The following MYL1 variants were observed in gnomAD, a reference collection of about 807,000 sequenced individuals.
The protein encoded by MYL1 is myosin light chain 1/3, skeletal muscle isoform.
A neutral mutation model predicts 21.8 loss-of-function variants in MYL1; 16 were observed. The observed-to-expected ratio is 0.74, with a 90% CI of 0.50 to 1.12. MYL1 has a LOEUF of 1.12. Ranked by LOEUF, MYL1 falls within the 50% of genes most tolerant of loss-of-function variation. The pLI is 0.00. For missense variants in MYL1, 246 were observed against 241.0 expected (o/e 1.02, Z -0.14); for synonymous variants, 99 against 85.2 (o/e 1.16, Z -0.89).
rs751910373 is a variant in MYL1 at position 210,314,955 on chromosome 2, G to A, written c.88C>T (p.Pro30Ser). The change falls in exon 1 of 7, where the codon CCA becomes TCA. Residue 30 changes from proline to serine, a missense_variant. Transcript: ENST00000352451. Reference sequence around the variant, plus strand: ...ATTTTTTCTTCTTTGGGTTTGGCTGGGGCAGGGGCAGGTGCAGGTGCCGGT... The same window carrying A: ...ATTTTTTCTTCTTTGGGTTTGGCTGAGGCAGGGGCAGGTGCAGGTGCCGGT... ...PAPAPAPAPAPAKPKEEKIDL... is the reference protein window; with the variant it reads ...PAPAPAPAPASAKPKEEKIDL... 1 of 1,613,674 alleles carries A rather than the reference G, an allele frequency of 6.2e-7. No individual in the cohort carries two copies. The highest frequency in any genetic ancestry group is 1.7e-5 in the Admixed American group (1 of 60,008).
At chr2:210,314,178 G>A (rs1345948223) in intron 1 of MYL1, among the ~76,000 whole-genome samples, 1 of 152,058 alleles carries the variant, frequency 6.6e-6, no homozygotes, top group Non-Finnish European at 1.5e-5. Flanking sequence ...AAGATCAGTA[G>A]GCAAATACTC....
chr2:210,292,967 A>T, intron 5 of MYL1, among the ~76,000 whole-genome samples: 1 of 152,244 alleles, frequency 6.6e-6, no homozygotes, highest in Admixed American at 6.5e-5. Context: ...TGCTTGGCTA[A>T]GCCCTTTCTT....
chr2:210,301,163 G>A (rs939022517), intron 2 of MYL1, among the ~76,000 whole-genome samples: 1 of 152,176 alleles, frequency 6.6e-6, no homozygotes, highest in South Asian at 2.1e-4. Flanking sequence ...GGATGCAGTA[G>A]GTGACAATGT....
rs548135239 is a variant in MYL1 at position 210,313,915 on chromosome 2, A to G, written c.132+996T>C. On this transcript the variant is annotated intron_variant, in intron 1 of 6. Coordinates refer to ENST00000352451, the MANE Select transcript of MYL1 (RefSeq NM_079420.3). ...CATATACAACTTTTGGCTTAAGTGAAAAGTTCACCTCATGGGTACTATTGC... is the reference window on the plus strand; with the variant it reads ...CATATACAACTTTTGGCTTAAGTGAGAAGTTCACCTCATGGGTACTATTGC... Among the ~76,000 whole-genome samples, 6 of 152,220 alleles carry G rather than the reference A, an allele frequency of 3.9e-5. No individual in the cohort carries two copies. In the South Asian group the frequency reaches 1.2e-3, roughly 32 times the overall value.
In MYL1 at chr2:210,294,367, G is replaced by T; in HGVS notation, c.356C>A (p.Ala119Asp). Residue 119 changes from alanine to aspartate, a missense_variant, in exon 4 of 7, where the codon GCC becomes GAC. Ala to Asp is a moderately radical substitution (Grantham distance 126, BLOSUM62 -2). Coordinates refer to ENST00000352451, the MANE Select transcript of MYL1 (RefSeq NM_079420.3). ...EFEQFLPMMQAISNNKDQATY... is the reference protein window; with the variant it reads ...EFEQFLPMMQDISNNKDQATY... ...GGCCTGGTCCTTGTTGTTGGAAATG[G>T]CTTGCATCATAGGCAGAAATTGTTC... The T allele has an allele frequency of 6.2e-7, 1 of 1,613,938 alleles. No homozygotes were observed. The highest frequency in any genetic ancestry group is 8.5e-7 in the Non-Finnish European group (1 of 1,179,914).
At chr2:210,301,954 G>T (rs1026090920) in intron 2 of MYL1, among the ~76,000 whole-genome samples, 1 of 152,106 alleles carries the variant, frequency 6.6e-6, no homozygotes, top group African/African-American at 2.4e-5. Context: ...GTTAAACCAG[G>T]AGACATTTAA....
At chr2:210,311,293 CAATGCGTATAAAACT>C (rs372823673) in intron 1 of MYL1, among the ~76,000 whole-genome samples, 165 of 152,146 alleles carry the variant, frequency 1.1e-3, no homozygotes, top group African/African-American at 3.8e-3. Context: ...TTGGGTGCCA[CAATGCGTATAAAACT>C]ATCTGCCTCC....
intron 1 of MYL1, among the ~76,000 whole-genome samples, chr2:210,310,797 A>G (rs1406805370): frequency 6.6e-6 from 1 of 152,060 alleles, no homozygotes; most frequent in Non-Finnish European, 1.5e-5. Context: ...GTGCAGGGCA[A>G]TATAAAAACC....
At chr2:210,312,999 T>A (rs1008832427) in intron 1 of MYL1, among the ~76,000 whole-genome samples, 1 of 151,760 alleles carries the variant, frequency 6.6e-6, no homozygotes, top group Non-Finnish European at 1.5e-5. Context: ...ATTGACAGAA[T>A]AATAAACAAA....
At chr2:210,302,964 A>G in intron 1 of MYL1, 1 of 620,834 alleles carries the variant, frequency 1.6e-6, no homozygotes, top group South Asian at 2.2e-5. Context: ...AAGCTATTGC[A>G]AAAGATAATT....
chr2:210,305,585 A>G (rs895417094), intron 1 of MYL1, among the ~76,000 whole-genome samples: 1 of 152,150 alleles, frequency 6.6e-6, no homozygotes, highest in Non-Finnish European at 1.5e-5. Flanking sequence ...GAGAACTAGC[A>G]TATATCATTA....
chr2:210,290,892 C>T (rs1690064989), intron 6 of MYL1, 140 bp downstream of exon 6: 7 of 481,912 alleles, frequency 1.5e-5, no homozygotes, highest in Non-Finnish European at 2.2e-5. Flanking sequence ...CATTTCAAGG[C>T]ATTAATATTT....
At chr2:210,302,610 A>C in intron 1 of MYL1, 95 bp from the exon 2 acceptor site, 1 of 1,515,216 alleles carries the variant, frequency 6.6e-7, no homozygotes, top group Non-Finnish European at 9.0e-7. Flanking sequence ...GTAATCTTCA[A>C]AGTAAGCTCC....
intron 3 of MYL1, among the ~76,000 whole-genome samples, chr2:210,297,923 C>G (rs1165270616): frequency 1.3e-5 from 2 of 152,008 alleles, no homozygotes; most frequent in African/African-American, 2.4e-5. Context: ...GAGAACTTCT[C>G]TAGAACTGTG....
At chr2:210,313,864 T>A (rs1157206902) in intron 1 of MYL1, among the ~76,000 whole-genome samples, 1 of 152,080 alleles carries the variant, frequency 6.6e-6, no homozygotes, top group Non-Finnish European at 1.5e-5. Flanking sequence ...TAAACAATGG[T>A]AAATTGGCAA....
chr2:210,290,191 G>T lies in MYL1; in HGVS notation c.*291C>A, dbSNP rs570420412. On this transcript the variant is annotated 3_prime_UTR_variant, in exon 7 of 7. Coordinates refer to ENST00000352451, the MANE Select transcript of MYL1 (RefSeq NM_079420.3). Reference sequence around the variant, plus strand: ...ATTGTTTATTGATTTATTGTTTTAAGAATGTTTGTTGATTCATGGTAGATA... The same window carrying T: ...ATTGTTTATTGATTTATTGTTTTAATAATGTTTGTTGATTCATGGTAGATA... The T allele has an allele frequency of 6.6e-6, 1 of 152,260 alleles. No homozygotes were observed. The highest frequency in any genetic ancestry group is 2.4e-5 in the African/African-American group (1 of 41,554). 9.4% of individuals were successfully genotyped at this position (152,260 alleles called of 1,614,324 possible). A position where few individuals can be genotyped will look rare whatever the true frequency, so the allele number is the denominator to read the frequency against.
At chr2:210,297,222 AT>A (rs1240261308) in intron 3 of MYL1, among the ~76,000 whole-genome samples, 1 of 151,704 alleles carries the variant, frequency 6.6e-6, no homozygotes, top group East Asian at 1.9e-4. Flanking sequence ...TAATAGTTCT[AT>A]TTTTAGTTTT....
intron 1 of MYL1, chr2:210,303,727 TC>T (rs1336820352): frequency 1.4e-6 from 1 of 696,602 alleles, no homozygotes; most frequent in Admixed American, 3.7e-5. Context: ...TCTTTAGCTT[TC>T]TTAGGGCAAA....
At chr2:210,306,828 C>A (rs1232608758) in intron 1 of MYL1, among the ~76,000 whole-genome samples, 1 of 151,650 alleles carries the variant, frequency 6.6e-6, no homozygotes, top group African/African-American at 2.4e-5. Flanking sequence ...AGCGATTCTT[C>A]TGTCTGGCTT....
Sources: gnomAD v4.1 joint callset for allele counts (sites outside exome capture counted in the v4.1 genomes callset) on GRCh38, gnomAD v4.1.1 for gene constraint, MANE v1.5 for transcripts, NCBI Gene and HGNC (gene_info 2026-07-23, HGNC 2026-07-21) for gene names.